Variants in BRI3 observed in about 807,000 individuals in gnomAD.
BRI3 encodes brain protein I3.
A neutral mutation model predicts 12.8 loss-of-function variants in BRI3; 6 were observed. The ratio of observed to expected loss-of-function variants is 0.47; its 90% CI spans 0.26 to 0.93. The LOEUF is 0.93. BRI3 is among the 40% of genes least tolerant of loss of function. BRI3 has a pLI of 0.15. For synonymous variants in BRI3, 91 were observed against 76.1 expected, an observed-to-expected ratio of 1.20 and a Z score of -1.02; for missense variants, 134 against 171.1, an observed-to-expected ratio of 0.78 and a Z score of 1.21.
rs145197209 is a variant in BRI3, at chr7:98,291,207, G to A, written c.342G>A (p.Lys114=). ...TCATTTGCTGTTTTGCCTTGAGGAA[G>A]CGACGATGCCCCAACTGTGGAGCCA... ...FGFICCFALR[K]RRCPNCGATF... Residue 114 remains lysine (K), a synonymous_variant, in exon 3 of 3, where the codon AAG becomes AAA. Coordinates refer to ENST00000297290, the MANE Select transcript of BRI3 (RefSeq NM_015379.5). 7 of 1,613,590 alleles carry A rather than the reference G, an allele frequency of 4.3e-6. No individual in the cohort carries two copies. The highest frequency in any genetic ancestry group is 1.3e-5 in the African/African-American group (1 of 74,918).
At chr7:98,288,461 G>A (rs907520981) in intron 2 of BRI3, among the ~76,000 whole-genome samples, 9 of 151,986 alleles carry the variant, frequency 5.9e-5, no homozygotes, top group Admixed American at 1.3e-4. Context: ...GTGGCCTGAC[G>A]ACCTTCTGGG....
At position 98,291,511 on chromosome 7, in the gene BRI3, A is replaced by G. The variant is rs1799954410; in HGVS notation, c.*268A>G. ...TGAGAAATAATGTTTTCAATAAATGAGATTCATACCATTGTTGACCTGGTG... is the reference window on the plus strand; with the variant it reads ...TGAGAAATAATGTTTTCAATAAATGGGATTCATACCATTGTTGACCTGGTG... On this transcript the variant is annotated 3_prime_UTR_variant, in exon 3 of 3. Transcript: ENST00000297290. The G allele has an allele frequency of 8.0e-7, 1 of 1,257,262 alleles. No individual in the cohort carries two copies. 77.9% of individuals were successfully genotyped at this position (1,257,262 alleles called of 1,614,324 possible).
At chr7:98,315,486 T>C in the BRI3 span, 1 of 1,502,628 alleles carries the variant, frequency 6.7e-7, no homozygotes, top group South Asian at 1.3e-5. Flanking sequence ...TGTATGTGGT[T>C]TGCAAAGCCA....
chr7:98,306,115 C>T (rs955497880), upstream of BRI3, among the ~76,000 whole-genome samples: 5 of 152,036 alleles, frequency 3.3e-5, no homozygotes, highest in East Asian at 3.9e-4. Flanking sequence ...AAGATAAGAA[C>T]GGTAAGATAA....
At chr7:98,296,777 T>G (rs1800209016), downstream of BRI3, among the ~76,000 whole-genome samples, 1 of 152,200 alleles carries the variant, frequency 6.6e-6, no homozygotes, top group Admixed American at 6.5e-5. Context: ...GGCAGGAGCC[T>G]CTCTGCCTCC....
At position 98,307,748 on chromosome 7, in the gene BRI3, C is replaced by A. The variant is rs140203225; in HGVS notation, n.378C>A. The A allele has an allele frequency of 2.0e-4, 315 of 1,614,240 alleles. 2 individuals carry two copies. In the African/African-American group the frequency reaches 3.5e-3, roughly 18 times the overall value. ...CATCCTTCTCCTCGGGGATGAGCAG[C>A]GTGATGACATCTCCCTGTGCAAAGC... On this transcript the variant is annotated non_coding_transcript_exon_variant, in exon 2 of 2. Transcript: ENST00000485422.
At chr7:98,300,445 T>A (rs963309347) in intron 1 of BRI3, among the ~76,000 whole-genome samples, 2 of 152,162 alleles carry the variant, frequency 1.3e-5, no homozygotes, top group Non-Finnish European at 2.9e-5. Context: ...CCGCAATGCT[T>A]TTGCAGTCTG....
At chr7:98,290,966 T>C in intron 2 of BRI3, 145 bp from the exon 3 acceptor site, 1 of 700,516 alleles carries the variant, frequency 1.4e-6, no homozygotes, top group East Asian at 2.7e-5. Context: ...GGTGGTGGGG[T>C]GGGGGGCTGT....
the BRI3 span, among the ~76,000 whole-genome samples, chr7:98,318,526 G>A: frequency 6.6e-5 from 10 of 151,414 alleles, no homozygotes; most frequent in African/African-American, 1.7e-4. Context: ...GGATCCACCC[G>A]CCTTGGCCTC....
chr7:98,289,105 C>A (rs1184228470), intron 2 of BRI3, among the ~76,000 whole-genome samples: 1 of 152,044 alleles, frequency 6.6e-6, no homozygotes, highest in Non-Finnish European at 1.5e-5. Context: ...TTACAGGTAC[C>A]CACCACTACG....
Position 98,281,789 on chromosome 7 carries a change from G to A in BRI3, c.-7G>A. On this transcript the variant is annotated 5_prime_UTR_variant, in exon 1 of 3. Coordinates refer to ENST00000297290, the MANE Select transcript of BRI3 (RefSeq NM_015379.5). ...CGGGCCGGAGCGGCGGGCGCGGCCG[G>A]GCCGCCATGGACCACAAGCCGCTGC... is the stretch of plus-strand genomic sequence containing the variant. 1 of 1,154,364 alleles carries A rather than the reference G, an allele frequency of 8.7e-7. No homozygotes were observed. The highest frequency in any genetic ancestry group is 1.1e-6 in the Non-Finnish European group (1 of 938,146). The allele number at this position is 1,154,364 out of a possible 1,614,324, so 71.5% of individuals were successfully genotyped here.
At chr7:98,288,172 C>T (rs1336427448) in intron 2 of BRI3, among the ~76,000 whole-genome samples, 2 of 152,174 alleles carry the variant, frequency 1.3e-5, no homozygotes, top group Non-Finnish European at 2.9e-5. Context: ...ACCGCAGATG[C>T]CAGGAAGAAA....
chr7:98,310,367 T>C, exon 2 of BRI3: 1 of 1,485,760 alleles, frequency 6.7e-7, no homozygotes, highest in South Asian at 1.3e-5. Context: ...AATACATTTA[T>C]ACAAAATATT....
downstream of BRI3, among the ~76,000 whole-genome samples, chr7:98,296,614 ACT>A (rs530122036): frequency 7.0e-3 from 1,064 of 152,284 alleles, 8 homozygotes; most frequent in Middle Eastern, 0.02. Context: ...ACAGAGTGAG[ACT>A]CCATCTGTAA....
intron 2 of BRI3, among the ~76,000 whole-genome samples, chr7:98,288,598 CCA>C (rs77152131): frequency 0.24 from 36,195 of 151,178 alleles, 4,595 homozygotes; most frequent in East Asian, 0.45. Context: ...CTCAGCCCCT[CCA>C]CACAGACAGG....
exon 2 of BRI3, chr7:98,310,386 AG>A: frequency 6.6e-7 from 1 of 1,523,140 alleles, no homozygotes; most frequent in Non-Finnish European, 8.9e-7. Flanking sequence ...TTTATTTCAC[AG>A]CTTATCTTAA....
chr7:98,302,646 A>G (rs148250285), upstream of BRI3, among the ~76,000 whole-genome samples: 18 of 152,302 alleles, frequency 1.2e-4, no homozygotes, highest in East Asian at 3.1e-3. Context: ...TCCAGGACAA[A>G]TGACTGGTTC....
At chr7:98,292,777 A>G, downstream of BRI3, 4 of 1,547,658 alleles carry the variant, frequency 2.6e-6, no homozygotes, top group Admixed American at 2.0e-5. Context: ...GTGAGAACAC[A>G]AGGAGCCGTG....
downstream of BRI3, chr7:98,312,086 C>T: frequency 6.3e-7 from 1 of 1,578,174 alleles, no homozygotes. Flanking sequence ...GAAGAGAAAA[C>T]TGGCTCCTAC....
Sources: gnomAD v4.1 joint callset for allele counts (sites outside exome capture counted in the v4.1 genomes callset) on GRCh38, gnomAD v4.1.1 for gene constraint, MANE v1.5 for transcripts, NCBI Gene and HGNC (gene_info 2026-07-23, HGNC 2026-07-21) for gene names.